The following COL21A1 variants were observed in gnomAD, a reference collection of about 807,000 sequenced individuals.
COL21A1 encodes the protein collagen type XXI alpha 1 chain, also known as collagen alpha-1(XXI) chain.
Under a neutral mutation model 137.9 loss-of-function variants are expected in COL21A1, and 149 were observed. That is an observed-to-expected ratio of 1.08 (90% CI 0.95 to 1.24). COL21A1 has a LOEUF of 1.24. Ranked by LOEUF, COL21A1 falls within the 50% of genes most tolerant of loss-of-function variation. The pLI is 0.00. For synonymous variants in COL21A1, 456 were observed against 391.5 expected (o/e 1.16, Z -1.95); for missense variants, 1,167 against 1,158.4 (o/e 1.01, Z -0.11).
chr6:56,071,187 C>T (rs1766721511), intron 20 of COL21A1, among the ~76,000 whole-genome samples: 1 of 151,562 alleles, frequency 6.6e-6, no homozygotes, highest in East Asian at 1.9e-4. Flanking sequence ...TAGGACTCAT[C>T]TTCAGTATGC....
At chr6:56,235,562 G>A (rs1781846568) in intron 1 of COL21A1, among the ~76,000 whole-genome samples, 1 of 151,862 alleles carries the variant, frequency 6.6e-6, no homozygotes, top group South Asian at 2.1e-4. Context: ...TGACATCAGG[G>A]GAATACTGTT....
At chr6:56,110,662 A>G (rs1771347197) in intron 16 of COL21A1, among the ~76,000 whole-genome samples, 1 of 152,056 alleles carries the variant, frequency 6.6e-6, no homozygotes. Context: ...CAATCAATAT[A>G]CCAAAACTAA....
At chr6:56,241,995 T>C (rs2152325465) in intron 1 of COL21A1, among the ~76,000 whole-genome samples, 1 of 152,200 alleles carries the variant, frequency 6.6e-6, no homozygotes, top group East Asian at 1.9e-4. Context: ...TTACCTAAGA[T>C]AGCCAACCAC....
At chr6:56,318,169 C>T (rs936070182) in intron 1 of COL21A1, among the ~76,000 whole-genome samples, 2 of 152,160 alleles carry the variant, frequency 1.3e-5, no homozygotes, top group South Asian at 2.1e-4. Flanking sequence ...TGTTAATGAC[C>T]ATGGTCCATC....
chr6:56,086,996 G>T (rs751094920), intron 17 of COL21A1, among the ~76,000 whole-genome samples: 13 of 152,084 alleles, frequency 8.5e-5, no homozygotes, highest in Non-Finnish European at 1.8e-4. Flanking sequence ...TAATTCCTCT[G>T]ATTTGGTGTC....
intron 10 of COL21A1, among the ~76,000 whole-genome samples, chr6:56,146,208 G>GT (rs974837961): frequency 7.6e-4 from 115 of 152,188 alleles, no homozygotes; most frequent in African/African-American, 2.7e-3. Flanking sequence ...TTTTAAAAAT[G>GT]TAAGAATGTG....
At chr6:56,167,833 C>A (rs1776710418) in intron 6 of COL21A1, among the ~76,000 whole-genome samples, 1 of 152,144 alleles carries the variant, frequency 6.6e-6, no homozygotes, top group Admixed American at 6.5e-5. Flanking sequence ...ATTACTTAAA[C>A]TATGTTTCTC....
At chr6:56,259,900 C>G (rs1763210579) in intron 1 of COL21A1, among the ~76,000 whole-genome samples, 1 of 152,212 alleles carries the variant, frequency 6.6e-6, no homozygotes, top group Admixed American at 6.5e-5. Context: ...GGCACACAGC[C>G]AGTTCAGCCT....
intron 1 of COL21A1, among the ~76,000 whole-genome samples, chr6:56,263,341 T>G (rs1256742295): frequency 1.3e-5 from 2 of 152,158 alleles, no homozygotes; most frequent in African/African-American, 4.8e-5. Flanking sequence ...AGCTAGATCT[T>G]CCAAAGACTT....
At position 56,336,987 on chromosome 6, in the gene COL21A1, C is replaced by T. The variant is rs1220664452; in HGVS notation, c.-39+56984G>A. ...ATGCCTTTTTTCACATTTAAATGTCCACAAATCTTCCCCTGCCACCCTTAA... is the reference window on the plus strand; with the variant it reads ...ATGCCTTTTTTCACATTTAAATGTCTACAAATCTTCCCCTGCCACCCTTAA... On this transcript the variant is annotated intron_variant, in intron 1 of 28. Coordinates refer to the COL21A1 transcript ENST00000370819. Among the ~76,000 whole-genome samples, 3 of 152,254 alleles carry T rather than the reference C, an allele frequency of 2.0e-5. No homozygotes were observed. In the East Asian group the frequency reaches 5.8e-4, roughly 29 times the overall value.
intron 1 of COL21A1, among the ~76,000 whole-genome samples, chr6:56,320,373 T>C (rs1275850603): frequency 6.6e-6 from 1 of 152,046 alleles, no homozygotes; most frequent in Non-Finnish European, 1.5e-5. Flanking sequence ...TCCTTGTGCT[T>C]CTCCACCAGG....
chr6:56,079,498 T>C (rs1369970126), intron 17 of COL21A1, among the ~76,000 whole-genome samples: 1 of 151,534 alleles, frequency 6.6e-6, no homozygotes. Flanking sequence ...AGAAAACAGT[T>C]ATACCCAGGT....
intron 1 of COL21A1, among the ~76,000 whole-genome samples, chr6:56,265,491 A>G (rs534873558): frequency 2.6e-5 from 4 of 152,204 alleles, no homozygotes; most frequent in African/African-American, 4.8e-5. Flanking sequence ...GAAGGGCCTG[A>G]TTCAAGGGCA....
rs1006828625 is a variant in COL21A1 at position 56,247,374 on chromosome 6, G to C, written c.-39+13C>G. 1 of 152,276 alleles carries C rather than the reference G, an allele frequency of 6.6e-6. No homozygotes were observed. Among genetic ancestry groups the C allele is most frequent in the Non-Finnish European group, 1.5e-5 (1 of 68,140 alleles). 9.4% of individuals were successfully genotyped at this position (152,276 alleles called of 1,614,324 possible). A position where few individuals can be genotyped will look rare whatever the true frequency, so the allele number is the denominator to read the frequency against. On this transcript the variant is annotated intron_variant, in intron 1 of 29. Transcript: ENST00000244728. Reference sequence around the variant, plus strand: ...TTCTGGCAGCGAGAGGGGAGTAGGAGGTGTCTCCTTACCTGGCGCAGTGTC... The same window carrying C: ...TTCTGGCAGCGAGAGGGGAGTAGGACGTGTCTCCTTACCTGGCGCAGTGTC...
At chr6:56,282,673 C>A (rs1297282061) in intron 1 of COL21A1, among the ~76,000 whole-genome samples, 1 of 152,190 alleles carries the variant, frequency 6.6e-6, no homozygotes, top group South Asian at 2.1e-4. Flanking sequence ...ATCCAGACAC[C>A]TTTGTCTTAC....
intron 12 of COL21A1, among the ~76,000 whole-genome samples, chr6:56,129,405 G>T (rs1208424391): frequency 1.3e-5 from 2 of 152,052 alleles, no homozygotes; most frequent in Non-Finnish European, 2.9e-5. Flanking sequence ...AGAGACTAGA[G>T]CAACAAGAGG....
intron 1 of COL21A1, among the ~76,000 whole-genome samples, chr6:56,213,367 A>G (rs908625349): frequency 6.6e-6 from 1 of 152,070 alleles, no homozygotes; most frequent in Non-Finnish European, 1.5e-5. Context: ...CCTCAGAGCC[A>G]ATAATACCTC....
chr6:56,141,624 G>T (rs1206033116), intron 12 of COL21A1, among the ~76,000 whole-genome samples, 161 bp downstream of exon 12: 3 of 152,172 alleles, frequency 2.0e-5, no homozygotes, highest in Non-Finnish European at 4.4e-5. Context: ...TAGTGATAAA[G>T]CCTTCTATAA....
intron 6 of COL21A1, 86 bp from the exon 7 acceptor site, chr6:56,167,069 T>G (rs938021367): frequency 2.0e-4 from 177 of 880,920 alleles, no homozygotes; most frequent in Non-Finnish European, 2.9e-4. Flanking sequence ...AAACATCCAC[T>G]ATGGTTAGTA....
Sources: allele counts gnomAD v4.1 joint callset (sites outside exome capture counted in the v4.1 genomes callset), GRCh38; gene constraint gnomAD v4.1.1; transcripts MANE v1.5; gene names NCBI Gene and HGNC (gene_info 2026-07-23, HGNC 2026-07-21).